TBCK: variants seen among roughly 807,000 people sequenced by gnomAD.
TBCK encodes the protein TBC domain-containing protein kinase-like protein.
A neutral mutation model predicts 113.4 loss-of-function variants in TBCK; 99 were observed. That is an observed-to-expected ratio of 0.87 (90% CI 0.74 to 1.03). The LOEUF is 1.03. Among genes scored for constraint, TBCK ranks in the 50% least tolerant of loss-of-function variants. The probability of loss-of-function intolerance (pLI) is 0.00; values close to 1 mark genes in which losing one functional copy is unlikely to be tolerated. For synonymous variants in TBCK, 369 were observed against 370.8 expected, an observed-to-expected ratio of 1.00 and a Z score of 0.05; for missense variants, 1,045 against 1,061.3, an observed-to-expected ratio of 0.98 and a Z score of 0.21.
chr4:106,168,593 G>A (rs1750657939), intron 23 of TBCK, among the ~76,000 whole-genome samples: 1 of 151,854 alleles, frequency 6.6e-6, no homozygotes, highest in Admixed American at 6.6e-5. Context: ...TAGAAAATCT[G>A]AAGGAACTGA....
rs775849011 is a variant in TBCK, at chr4:106,244,631, G to A, written c.1065C>T (p.Leu355=). Residue 355 remains leucine, a synonymous_variant, in exon 11 of 26, where the codon CTC becomes CTT. Coordinates refer to ENST00000394708, the MANE Select transcript of TBCK (RefSeq NM_001163435.3). ...IIRSKPPICT[L]PNFLFEDGES... ...AGAGAAGTTTCTTTCCTTACTTGGG[G>A]AGTGTGCAGATAGGTGGTTTGGATC... 1.3e-6 allele frequency: 2 copies of A among 1,588,988 alleles called. No homozygotes were observed. The highest frequency in any genetic ancestry group is 1.7e-6 in the Non-Finnish European group (2 of 1,171,250).
At chr4:106,080,735 C>A (rs939810172) in intron 25 of TBCK, among the ~76,000 whole-genome samples, 1 of 152,060 alleles carries the variant, frequency 6.6e-6, no homozygotes, top group Admixed American at 6.6e-5. Flanking sequence ...AGTGTACAGA[C>A]AACCTACAAA....
intron 23 of TBCK, among the ~76,000 whole-genome samples, chr4:106,161,966 C>T (rs941657470): frequency 6.6e-6 from 1 of 152,102 alleles, no homozygotes; most frequent in African/African-American, 2.4e-5. Flanking sequence ...TCTACAGTCT[C>T]CCAAAGCCTT....
chr4:106,072,729 ACAC>A (rs1737625176), intron 25 of TBCK, among the ~76,000 whole-genome samples: 1 of 152,214 alleles, frequency 6.6e-6, no homozygotes, highest in Non-Finnish European at 1.5e-5. Context: ...ACTTTCAAGT[ACAC>A]CAATCAAACA....
intron 20 of TBCK, among the ~76,000 whole-genome samples, chr4:106,205,587 C>CAAA (rs70941240): frequency 5.0e-4 from 32 of 64,212 alleles, no homozygotes; most frequent in African/African-American, 1.9e-3. Flanking sequence ...ACTAAAAATA[C>CAAA]AAAAAAAAAA....
At chr4:106,304,040 C>T (rs1560996028) in intron 2 of TBCK, among the ~76,000 whole-genome samples, 1 of 152,102 alleles carries the variant, frequency 6.6e-6, no homozygotes, top group African/African-American at 2.4e-5. Flanking sequence ...ATTCATAACT[C>T]CTCCCACAGC....
At chr4:106,087,104 A>C (rs899648508) in intron 25 of TBCK, among the ~76,000 whole-genome samples, 1 of 152,320 alleles carries the variant, frequency 6.6e-6, no homozygotes, top group South Asian at 2.1e-4. Flanking sequence ...AAGAGAAAGA[A>C]ATAAAGGGTA....
At position 106,232,934 on chromosome 4, in the gene TBCK, T is replaced by C; in HGVS notation, c.1639+4A>G. On this transcript the variant is annotated splice_donor_region_variant and intron_variant, in intron 17 of 25. Coordinates refer to ENST00000394708, the MANE Select transcript of TBCK (RefSeq NM_001163435.3). ...AGAGGAGTTTTAATGACTACAAAAG[T>C]TACCTTGCCAATACACAAGATCAGG... 1 of 1,609,862 alleles carries C rather than the reference T, an allele frequency of 6.2e-7. No homozygotes were observed. The highest frequency in any genetic ancestry group is 8.5e-7 in the Non-Finnish European group (1 of 1,177,770).
intron 4 of TBCK, 53 bp from the exon 5 acceptor site, chr4:106,260,563 C>G: frequency 1.8e-6 from 1 of 552,858 alleles, no homozygotes. Flanking sequence ...TAATTGGCAA[C>G]ATATAATTTA....
At chr4:106,145,191 G>A (rs998793943) in intron 23 of TBCK, among the ~76,000 whole-genome samples, 11 of 151,940 alleles carry the variant, frequency 7.2e-5, no homozygotes, top group Non-Finnish European at 1.5e-4. Context: ...GGTCGCGTGA[G>A]CCTGTAGTCC....
At chr4:106,212,912 T>C in intron 19 of TBCK, 77 bp from the exon 20 acceptor site, 1 of 917,782 alleles carries the variant, frequency 1.1e-6, no homozygotes, top group South Asian at 1.5e-5. Context: ...ATAGTTTTAT[T>C]TATACATTGA....
chr4:106,115,642 G>C (rs187897165), intron 24 of TBCK, among the ~76,000 whole-genome samples: 2 of 152,240 alleles, frequency 1.3e-5, no homozygotes, highest in Admixed American at 1.3e-4. Flanking sequence ...AAAATAGAAG[G>C]AGAAGAGACT....
chr4:106,310,641 G>T (rs1768100539), intron 1 of TBCK: 1 of 152,156 alleles, frequency 6.6e-6, no homozygotes, highest in African/African-American at 2.4e-5. Flanking sequence ...CCCCAGCTAA[G>T]ATTTGGCTGT....
intron 22 of TBCK, among the ~76,000 whole-genome samples, chr4:106,185,571 T>G (rs924120741): frequency 3.3e-5 from 5 of 152,138 alleles, no homozygotes; most frequent in Non-Finnish European, 7.4e-5. Flanking sequence ...TATTTGTTCC[T>G]GTGACAAGAA....
intron 23 of TBCK, among the ~76,000 whole-genome samples, chr4:106,122,724 C>T (rs1026228395): frequency 4.6e-5 from 7 of 152,078 alleles, no homozygotes; most frequent in Non-Finnish European, 7.4e-5. Context: ...GTTCAATATA[C>T]ACAAATCAAT....
intron 25 of TBCK, among the ~76,000 whole-genome samples, chr4:106,078,828 T>TA (rs996041293): frequency 1.3e-5 from 2 of 151,474 alleles, no homozygotes; most frequent in African/African-American, 4.9e-5. Context: ...CTGGCAGAGA[T>TA]ACAATGAAAA....
chr4:106,183,926 C>T (rs181545606), intron 22 of TBCK, among the ~76,000 whole-genome samples: 3 of 152,092 alleles, frequency 2.0e-5, no homozygotes, highest in Admixed American at 1.3e-4. Flanking sequence ...CTTCAAACAT[C>T]ATCAAGATCA....
chr4:106,278,626 T>C (rs1265837899), intron 3 of TBCK, among the ~76,000 whole-genome samples: 1 of 146,114 alleles, frequency 6.8e-6, no homozygotes, highest in African/African-American at 2.5e-5. Flanking sequence ...TGGAAAAGAA[T>C]TTTTTCTTCA....
intron 23 of TBCK, among the ~76,000 whole-genome samples, chr4:106,156,845 G>C (rs1231223558): frequency 6.6e-6 from 1 of 152,086 alleles, no homozygotes; most frequent in African/African-American, 2.4e-5. Flanking sequence ...GAGCCTGCTT[G>C]GTACTCTACT....
Sources: gnomAD v4.1 joint callset for allele counts (sites outside exome capture counted in the v4.1 genomes callset) on GRCh38, gnomAD v4.1.1 for gene constraint, MANE v1.5 for transcripts, NCBI Gene and HGNC (gene_info 2026-07-23, HGNC 2026-07-21) for gene names.